The following BICRAL variants were observed in gnomAD, a reference collection of about 807,000 sequenced individuals.
The protein encoded by BICRAL is BRD4-interacting chromatin-remodeling complex-associated protein-like.
BICRAL carries 8 observed loss-of-function variants against 91.8 expected under a neutral mutation model. The observed-to-expected ratio is 0.09, with a 90% CI of 0.05 to 0.16. The LOEUF is 0.16. BICRAL is among the 10% of genes least tolerant of loss of function. The pLI, the probability that BICRAL is intolerant of heterozygous loss-of-function variation, is 1.00. For missense variants in BICRAL, 1,038 were observed against 1,310.9 expected (o/e 0.79, Z 3.21); for synonymous variants, 445 against 491.1 (o/e 0.91, Z 1.24).
rs548216727 is a variant in BICRAL at position 42,817,017 on chromosome 6, A to G, written c.-5-5001A>G. The stretch of plus-strand genomic sequence containing the variant: ...CGACAGAGCGAGACTCCATCTCAAA[A>G]AAAAAAAAAAAAAATTGTGTATCTT... On this transcript the variant is annotated intron_variant, in intron 2 of 12. Transcript: ENST00000314073. Among the ~76,000 whole-genome samples the G allele has an allele frequency of 4.2e-4, 63 of 151,426 alleles. 1 individual carries two copies. In the South Asian group the frequency reaches 0.012, roughly 29 times the overall value.
Position 42,753,289 on chromosome 6 carries a change from CT to C in BICRAL, c.-261+6268del, listed in dbSNP as rs527976703. 3.9e-5 allele frequency among the ~76,000 whole-genome samples: 6 copies of C among 152,172 alleles called. No homozygotes were observed. The East Asian group carries it at 1.2e-3, about 29-fold the overall frequency. The stretch of plus-strand genomic sequence containing the variant: ...GTGTTGCCCAGTCTGGTCTTGAACT[CT>C]TGGCTTCAAGGGATCCTCCTGCCTC... On this transcript the variant is annotated intron_variant, in intron 1 of 14. Coordinates refer to the BICRAL transcript ENST00000614467.
intron 1 of BICRAL, among the ~76,000 whole-genome samples, chr6:42,770,332 G>C (rs948167653): frequency 6.6e-6 from 1 of 151,862 alleles, no homozygotes; most frequent in East Asian, 1.9e-4. Flanking sequence ...GGGTTCAAGC[G>C]ATCCTCATGC....
rs368647251 is a variant in BICRAL at position 42,829,920 on chromosome 6, A to G, written c.1587A>G (p.Pro529=). Residue 529 remains proline (P), a synonymous_variant, in exon 6 of 13, where the codon CCA becomes CCG. Coordinates refer to ENST00000314073, the MANE Select transcript of BICRAL (RefSeq NM_001393499.1). Reference sequence around the variant, plus strand: ...GAAGACCTGGCTTCGCCACCATGCCATCGGTGACAAGCATGTCAGGACCTA... The same window carrying G: ...GAAGACCTGGCTTCGCCACCATGCCGTCGGTGACAAGCATGTCAGGACCTA... The part of the protein sequence containing the change: ...SQGRPGFATM[P]SVTSMSGPSR... 7 of 1,614,120 alleles carry G rather than the reference A, an allele frequency of 4.3e-6. No individual in the cohort carries two copies. In the Admixed American group the frequency reaches 5.0e-5, roughly 12 times the overall value.
intron 6 of BICRAL, among the ~76,000 whole-genome samples, chr6:42,839,132 G>A (rs930566610): frequency 2.0e-5 from 3 of 151,554 alleles, no homozygotes; most frequent in Non-Finnish European, 1.5e-5. Context: ...CTTGGGAGGC[G>A]GAGGTTACAG....
At chr6:42,749,885 C>T (rs1287421838) in intron 1 of BICRAL, among the ~76,000 whole-genome samples, 3 of 148,898 alleles carry the variant, frequency 2.0e-5, no homozygotes, top group Non-Finnish European at 4.4e-5. Context: ...GATAGAGTCT[C>T]GCTCTGTTGC....
At chr6:42,859,755 C>T (rs1485915148) in intron 10 of BICRAL, among the ~76,000 whole-genome samples, 2 of 152,052 alleles carry the variant, frequency 1.3e-5, no homozygotes, top group East Asian at 1.9e-4. Context: ...CATTCTCCTG[C>T]CTCAGCCTCT....
At chr6:42,752,968 C>G (rs971315509) in intron 1 of BICRAL, among the ~76,000 whole-genome samples, 1 of 148,386 alleles carries the variant, frequency 6.7e-6, no homozygotes, top group East Asian at 2.0e-4. Context: ...GCTCTGTCAC[C>G]CAGGCTAGAG....
At chr6:42,808,390 A>C (rs979114483) in intron 1 of BICRAL, among the ~76,000 whole-genome samples, 6 of 152,138 alleles carry the variant, frequency 3.9e-5, no homozygotes, top group African/African-American at 1.4e-4. Flanking sequence ...TCAGCCTCCC[A>C]AAGTGCTGGG....
At position 42,828,818 on chromosome 6, in the gene BICRAL, C is replaced by G; in HGVS notation, c.485C>G (p.Thr162Arg). 6.2e-7 allele frequency: 1 copy of G among 1,614,178 alleles called. No homozygotes were observed. Among genetic ancestry groups the G allele is most frequent in the Non-Finnish European group, 8.5e-7 (1 of 1,180,022 alleles). Residue 162 changes from threonine to arginine, a missense_variant, in exon 6 of 13, where the codon ACG (threonine) becomes AGG (arginine). Physicochemically the swap from Thr to Arg is moderately conservative, Grantham distance 71 (BLOSUM62 -1). Coordinates refer to ENST00000314073, the MANE Select transcript of BICRAL (RefSeq NM_001393499.1). ...ASNVSNYSGQ[T>R]LQPIGVTHVP... is the part of the protein sequence containing the mutation. ...AATGTTTCTAATTACTCAGGTCAGACGCTGCAGCCTATAGGGGTGACGCAT... is the reference window on the plus strand; with the variant it reads ...AATGTTTCTAATTACTCAGGTCAGAGGCTGCAGCCTATAGGGGTGACGCAT...
chr6:42,851,790 T>C (rs1330930240), intron 6 of BICRAL, among the ~76,000 whole-genome samples: 6 of 152,106 alleles, frequency 3.9e-5, no homozygotes, highest in African/African-American at 1.4e-4. Context: ...AATTCCCAGC[T>C]GCAGCTTTTT....
intron 1 of BICRAL, among the ~76,000 whole-genome samples, chr6:42,783,885 T>C (rs1215929147): frequency 1.3e-5 from 2 of 152,214 alleles, no homozygotes; most frequent in South Asian, 4.1e-4. Flanking sequence ...CTTTGTCTTC[T>C]CTGGCCCGGC....
intron 1 of BICRAL, among the ~76,000 whole-genome samples, chr6:42,787,857 T>G (rs1322020046): frequency 2.0e-5 from 3 of 151,602 alleles, no homozygotes; most frequent in Non-Finnish European, 2.9e-5. Flanking sequence ...CTTAGTGGCT[T>G]CAGAGGGAGA....
In BICRAL at chr6:42,866,661, A is replaced by G. The variant is rs1308593961; in HGVS notation, c.*1215A>G. On this transcript the variant is annotated 3_prime_UTR_variant, in exon 13 of 13. Transcript: ENST00000314073. ...ACCACTGAAAGGAAAGATCTGAGAC[A>G]TGGGATTCCCATTTGAGAGCCAAAG... 2.7e-6 allele frequency: 1 copy of G among 370,330 alleles called. No individual in the cohort carries two copies. The highest frequency in any genetic ancestry group is 5.3e-6 in the Non-Finnish European group (1 of 186,960). 22.9% of individuals were successfully genotyped at this position (370,330 alleles called of 1,614,324 possible).
chr6:42,811,490 G>A (rs967970227), intron 2 of BICRAL, among the ~76,000 whole-genome samples: 14 of 151,926 alleles, frequency 9.2e-5, no homozygotes, highest in African/African-American at 1.5e-4. Context: ...GCGTGGTGGC[G>A]CACGCCTGTA....
At chr6:42,813,746 C>G (rs1291491191) in intron 2 of BICRAL, among the ~76,000 whole-genome samples, 1 of 152,068 alleles carries the variant, frequency 6.6e-6, no homozygotes, top group Non-Finnish European at 1.5e-5. Context: ...GTCTCAAACT[C>G]CTGGATTCAA....
chr6:42,784,894 C>T (rs1029561064), intron 1 of BICRAL, among the ~76,000 whole-genome samples: 1 of 152,142 alleles, frequency 6.6e-6, no homozygotes, highest in African/African-American at 2.4e-5. Context: ...CCCGCTATAT[C>T]CAAAGATCTA....
At chr6:42,835,906 G>A (rs1764624515) in intron 6 of BICRAL, among the ~76,000 whole-genome samples, 1 of 152,176 alleles carries the variant, frequency 6.6e-6, no homozygotes, top group Admixed American at 6.5e-5. Context: ...CTATAGCCTG[G>A]GTGACAGAGC....
intron 2 of BICRAL, among the ~76,000 whole-genome samples, chr6:42,814,519 A>ATTTTTT (rs70990145): frequency 1.2e-5 from 1 of 80,236 alleles, no homozygotes; most frequent in Non-Finnish European, 2.1e-5. Context: ...ATATATATAT[A>ATTTTTT]TTTTTTTTTT....
Position 42,767,128 on chromosome 6 carries a change from G to A in BICRAL, c.-260-14711G>A, listed in dbSNP as rs141659802. Reference sequence around the variant, plus strand: ...GATTGTGCCACTGCACTCCAGCCTGGGCGACAGAGTTAAGCCTCTGTCTCA... The same window carrying A: ...GATTGTGCCACTGCACTCCAGCCTGAGCGACAGAGTTAAGCCTCTGTCTCA... On this transcript the variant is annotated intron_variant, in intron 1 of 14. Coordinates refer to the BICRAL transcript ENST00000614467. 4.2e-3 allele frequency among the ~76,000 whole-genome samples: 633 copies of A among 152,150 alleles called. 2 individuals carry two copies. Among genetic ancestry groups the A allele is most frequent in the African/African-American group, 0.015 (613 of 41,506 alleles).
Sources: gnomAD v4.1 joint callset for allele counts (sites outside exome capture counted in the v4.1 genomes callset) on GRCh38, gnomAD v4.1.1 for gene constraint, MANE v1.5 for transcripts, NCBI Gene and HGNC (gene_info 2026-07-23, HGNC 2026-07-21) for gene names.